The following FOXP1 variants were observed in gnomAD, a reference collection of about 807,000 sequenced individuals.
The protein encoded by FOXP1 is forkhead box protein P1.
A neutral mutation model predicts 98.2 loss-of-function variants in FOXP1; 15 were observed. That is an observed-to-expected ratio of 0.15 (90% confidence interval 0.10 to 0.24). The LOEUF is 0.24. Ranked by LOEUF, FOXP1 falls within the 10% of genes least tolerant of loss-of-function variation. The pLI, the probability that FOXP1 is intolerant of heterozygous loss-of-function variation, is 1.00. For missense variants in FOXP1, 633 were observed against 848.5 expected, an observed-to-expected ratio of 0.75 and a Z score of 3.15; for synonymous variants, 371 against 314.5, an observed-to-expected ratio of 1.18 and a Z score of -1.90.
intron 2 of FOXP1, among the ~76,000 whole-genome samples, chr3:71,501,624 G>A (rs895007823): frequency 3.3e-5 from 5 of 152,078 alleles, no homozygotes; most frequent in Non-Finnish European, 5.9e-5. Context: ...ACAACAACAT[G>A]ACCTTTCGAA....
At chr3:71,217,353 G>A (rs939706246) in intron 5 of FOXP1, among the ~76,000 whole-genome samples, 2 of 152,166 alleles carry the variant, frequency 1.3e-5, no homozygotes, top group African/African-American at 4.8e-5. Context: ...GATTACAGGT[G>A]TGAGCCACTG....
At chr3:71,102,620 T>C (rs1036160863) in intron 7 of FOXP1, among the ~76,000 whole-genome samples, 4 of 152,234 alleles carry the variant, frequency 2.6e-5, no homozygotes, top group African/African-American at 4.8e-5. Flanking sequence ...CCAAGCGTCA[T>C]TTCCCTTTAG....
Position 71,558,224 on chromosome 3 carries a change from CCCTT to C in FOXP1, c.-298+23321_-298+23324del, listed in dbSNP as rs576051500. Among the ~76,000 whole-genome samples the C allele has an allele frequency of 2.1e-4, 32 of 152,322 alleles. 1 individual carries two copies. In the South Asian group the frequency reaches 6.2e-3, roughly 30 times the overall value. ...GCACTGCCAGCTGAACTGCCAGCCT[CCCTT>C]CCTATCTTCCTCCTTCTGAAGGAAA... On this transcript the variant is annotated intron_variant, in intron 2 of 20. Coordinates refer to ENST00000649528, the MANE Select transcript of FOXP1 (RefSeq NM_001349338.3).
chr3:71,504,790 T>G (rs2041682401), intron 2 of FOXP1, among the ~76,000 whole-genome samples: 3 of 152,244 alleles, frequency 2.0e-5, no homozygotes, highest in Admixed American at 2.0e-4. Context: ...AGGAACACGC[T>G]GGTCCTTCAC....
intron 3 of FOXP1, among the ~76,000 whole-genome samples, chr3:71,369,406 A>C (rs528086075): frequency 6.6e-6 from 1 of 152,262 alleles, no homozygotes; most frequent in African/African-American, 2.4e-5. Context: ...ACAAAAAAAC[A>C]AAAACAGAAA....
At chr3:71,085,735 C>CTT (rs56318177) in intron 7 of FOXP1, among the ~76,000 whole-genome samples, 425 of 37,044 alleles carry the variant, frequency 0.011, 124 homozygotes, top group African/African-American at 0.033. Flanking sequence ...CATTTATGGC[C>CTT]TTTTTTTTTT....
intron 2 of FOXP1, among the ~76,000 whole-genome samples, chr3:71,561,511 C>A (rs1023086457): frequency 6.6e-6 from 1 of 151,458 alleles, no homozygotes; most frequent in African/African-American, 2.4e-5. Flanking sequence ...AGGAAAAGAT[C>A]GAACTATGTG....
intron 4 of FOXP1, among the ~76,000 whole-genome samples, chr3:71,315,879 C>A (rs570732172): frequency 6.6e-6 from 1 of 152,364 alleles, no homozygotes; most frequent in Non-Finnish European, 1.5e-5. Context: ...GCTTTACTTT[C>A]TCCTATGAAG....
intron 2 of FOXP1, among the ~76,000 whole-genome samples, chr3:71,537,274 G>A (rs1371258094): frequency 6.6e-6 from 1 of 152,216 alleles, no homozygotes; most frequent in African/African-American, 2.4e-5. Flanking sequence ...TGGATTTAGG[G>A]TCAAAAGGTG....
intron 11 of FOXP1, among the ~76,000 whole-genome samples, chr3:71,034,385 T>C (rs1390484660): frequency 6.6e-6 from 1 of 151,960 alleles, no homozygotes; most frequent in East Asian, 1.9e-4. Flanking sequence ...TCCCTGAGGG[T>C]CAGGGAAATC....
intron 3 of FOXP1, among the ~76,000 whole-genome samples, chr3:71,359,449 G>A (rs1223412368): frequency 6.6e-6 from 1 of 152,186 alleles, no homozygotes; most frequent in African/African-American, 2.4e-5. Flanking sequence ...TACAGGAGGA[G>A]GATGCAAAAT....
At chr3:71,054,593 G>A (rs2107152928) in intron 7 of FOXP1, among the ~76,000 whole-genome samples, 1 of 152,298 alleles carries the variant, frequency 6.6e-6, no homozygotes, top group Admixed American at 6.5e-5. Flanking sequence ...GATACCTAAT[G>A]ACAATGCTAT....
chr3:71,130,440 T>C, intron 6 of FOXP1: 1 of 1,533,646 alleles, frequency 6.5e-7, no homozygotes, highest in Non-Finnish European at 8.9e-7. Flanking sequence ...CAAGAACGGA[T>C]CCCTAGTTTA....
intron 6 of FOXP1, among the ~76,000 whole-genome samples, chr3:71,195,088 C>T (rs1321938126): frequency 2.0e-5 from 3 of 152,130 alleles, no homozygotes; most frequent in Admixed American, 6.5e-5. Flanking sequence ...CAATTGTTGC[C>T]GTTGTGGGAC....
intron 2 of FOXP1, among the ~76,000 whole-genome samples, chr3:71,506,466 CTG>C (rs1405919894): frequency 3.3e-5 from 5 of 152,192 alleles, no homozygotes; most frequent in Admixed American, 3.3e-4. Flanking sequence ...CCTCACCTCC[CTG>C]TGTTTGCCAA....
At chr3:71,546,202 G>A (rs1357888471) in intron 2 of FOXP1, among the ~76,000 whole-genome samples, 1 of 152,132 alleles carries the variant, frequency 6.6e-6, no homozygotes, top group Non-Finnish European at 1.5e-5. Context: ...AGTGGTCGGT[G>A]GCCAGGTAAG....
intron 3 of FOXP1, among the ~76,000 whole-genome samples, chr3:71,395,950 T>C (rs1440843740): frequency 6.6e-6 from 1 of 152,178 alleles, no homozygotes; most frequent in African/African-American, 2.4e-5. Flanking sequence ...GTTTCTTTAA[T>C]GATATATCGA....
intron 5 of FOXP1, chr3:71,292,626 T>C (rs1184826612): frequency 6.6e-6 from 1 of 152,240 alleles, no homozygotes; most frequent in Admixed American, 6.5e-5. Flanking sequence ...TGAGCCACCA[T>C]GCCCGGCCTA....
intron 3 of FOXP1, among the ~76,000 whole-genome samples, chr3:71,400,309 T>C (rs529961574): frequency 6.6e-6 from 1 of 152,238 alleles, no homozygotes; most frequent in African/African-American, 2.4e-5. Flanking sequence ...AGGTAGTTAG[T>C]GTATTGGGTG....
Sources: gnomAD v4.1 joint callset for allele counts (sites outside exome capture counted in the v4.1 genomes callset) on GRCh38, gnomAD v4.1.1 for gene constraint, MANE v1.5 for transcripts, NCBI Gene and HGNC (gene_info 2026-07-23, HGNC 2026-07-21) for gene names.